The following SRP68 variants were observed in gnomAD, a reference collection of about 807,000 sequenced individuals.
SRP68 encodes signal recognition particle 68.
In SRP68, 15 loss-of-function variants were observed where a neutral mutation model predicts 82.2. That is an observed-to-expected ratio of 0.18 (90% CI 0.12 to 0.28). SRP68 has a LOEUF of 0.28. Ranked by LOEUF, SRP68 falls within the 10% of genes least tolerant of loss-of-function variation. SRP68 has a pLI of 1.00. For missense variants in SRP68, 595 were observed against 780.5 expected (o/e 0.76, Z 2.83); for synonymous variants, 261 against 292.6 (o/e 0.89, Z 1.10).
At chr17:76,065,785 G>A (rs1177341034) in intron 3 of SRP68, among the ~76,000 whole-genome samples, 3 of 152,172 alleles carry the variant, frequency 2.0e-5, no homozygotes, top group South Asian at 2.1e-4. Context: ...GCTTTAGAAT[G>A]CTGAACAGTA....
chr17:76,059,845 G>A (rs2066738569), intron 7 of SRP68, among the ~76,000 whole-genome samples: 1 of 151,222 alleles, frequency 6.6e-6, no homozygotes, highest in South Asian at 2.1e-4. Flanking sequence ...AGTTTTTTGG[G>A]CCGGGCGCGG....
chr17:76,048,062 T>C (rs1036664896), intron 9 of SRP68, 92 bp from the exon 10 acceptor site: 66 of 675,298 alleles, frequency 9.8e-5, no homozygotes, highest in Non-Finnish European at 1.5e-4. Context: ...CAAAGTGCCC[T>C]GAACATAGAC....
At chr17:76,043,209 A>C (rs2066604652) in intron 13 of SRP68, among the ~76,000 whole-genome samples, 1 of 152,012 alleles carries the variant, frequency 6.6e-6, no homozygotes, top group Non-Finnish European at 1.5e-5. Context: ...GGCTGCAGTG[A>C]ACTATGATGG....
intron 1 of SRP68, 145 bp from the exon 2 acceptor site, chr17:76,070,589 C>T: frequency 1.4e-6 from 1 of 732,222 alleles, no homozygotes; most frequent in Non-Finnish European, 2.3e-6. Context: ...GCCTGTAATC[C>T]CAGCACTGTG....
In SRP68 at chr17:76,039,354, T is replaced by C. The variant is rs1271175518; in HGVS notation, c.*352A>G. 2 of 490,206 alleles carry C rather than the reference T, an allele frequency of 4.1e-6. No individual in the cohort carries two copies. The highest frequency in any genetic ancestry group is 5.9e-5 in the East Asian group (1 of 16,908). 30.4% of individuals were successfully genotyped at this position (490,206 alleles called of 1,614,324 possible). ...TCAAATCCATGGTACTGAAGAAGCATGACAAAGCGTTTCAAGGCCCCATCT... is the reference window on the plus strand; with the variant it reads ...TCAAATCCATGGTACTGAAGAAGCACGACAAAGCGTTTCAAGGCCCCATCT... On this transcript the variant is annotated 3_prime_UTR_variant, in exon 16 of 16. Coordinates refer to ENST00000307877, the MANE Select transcript of SRP68 (RefSeq NM_014230.4).
chr17:76,052,857 C>A (rs972912173), intron 8 of SRP68, among the ~76,000 whole-genome samples: 2 of 149,700 alleles, frequency 1.3e-5, no homozygotes, highest in Admixed American at 1.3e-4. Flanking sequence ...CAGCAAACCA[C>A]CATGGCACAT....
Position 76,072,462 on chromosome 17 carries a change from G to A in SRP68, c.30C>T (p.Gly10=), listed in dbSNP as rs200249656. The change falls in exon 1 of 16, where the codon GGC becomes GGT. Residue 10 remains glycine (G), a synonymous_variant. Transcript: ENST00000307877. This position sits in a 1 kb window ranked among gnomAD's most constrained non-coding sequence, Gnocchi z 4.5. ...CGCCGCCACTGCCGCCGCCGCCGCCGCCGCCTGGGACCTGCTTCTCAGCAG... is the reference window on the plus strand; with the variant it reads ...CGCCGCCACTGCCGCCGCCGCCGCCACCGCCTGGGACCTGCTTCTCAGCAG... MAAEKQVPG[G]GGGGGSGGGG... 1.8e-5 allele frequency: 28 copies of A among 1,577,798 alleles called. No homozygotes were observed. The East Asian group carries it at 5.2e-4, about 29-fold the overall frequency.
intron 9 of SRP68, chr17:76,049,233 A>G (rs2066654029): frequency 6.6e-6 from 1 of 152,240 alleles, no homozygotes; most frequent in East Asian, 1.9e-4. Context: ...TAAAGTTTTT[A>G]TGAAGAGGTA....
chr17:76,057,421 G>A lies in SRP68; in HGVS notation c.960C>T (p.Asn320=), dbSNP rs147995054. The A allele has an allele frequency of 5.5e-5, 88 of 1,614,088 alleles. No individual in the cohort carries two copies. Among genetic ancestry groups the A allele is most frequent in the Admixed American group, 8.3e-5 (5 of 59,990 alleles). ...VRIFLLGLAD[N]EAAIVQAESE... is the part of the protein sequence containing the mutation. ...TCCTCACCTGGACAATAGCTGCTTC[G>A]TTATCAGCCAGTCCTAATAAGAAAA... Residue 320 remains asparagine, a synonymous_variant, in exon 8 of 16, where the codon AAC becomes AAT. Transcript: ENST00000307877.
At chr17:76,041,222 C>A in intron 13 of SRP68, 1 of 404,146 alleles carries the variant, frequency 2.5e-6, no homozygotes, top group East Asian at 4.5e-5. Context: ...ATAAATTTAT[C>A]ATACACTAAA....
chr17:76,049,939 G>A (rs1298531388), intron 9 of SRP68, among the ~76,000 whole-genome samples: 3 of 152,192 alleles, frequency 2.0e-5, no homozygotes, highest in African/African-American at 7.2e-5. Context: ...CCGAGACCAA[G>A]CCAGAAGAAG....
chr17:76,070,236 A>C (rs1199615729), intron 2 of SRP68, 142 bp downstream of exon 2: 4 of 716,362 alleles, frequency 5.6e-6, no homozygotes, highest in Non-Finnish European at 9.1e-6. Flanking sequence ...AAAAAAAAAA[A>C]AAACAAAGCA....
At chr17:76,058,200 C>T (rs547826548) in intron 7 of SRP68, among the ~76,000 whole-genome samples, 1 of 150,780 alleles carries the variant, frequency 6.6e-6, no homozygotes, top group African/African-American at 2.5e-5. Flanking sequence ...GTTGCCCAGG[C>T]TGGAATGCAA....
At position 76,046,159 on chromosome 17, in the gene SRP68, T is replaced by A; in HGVS notation, c.1178A>T (p.Lys393Met). 5 of 1,613,906 alleles carry A rather than the reference T, an allele frequency of 3.1e-6. No homozygotes were observed. In the South Asian group the frequency reaches 4.4e-5, roughly 14 times the overall value. The change falls in exon 11 of 16, where the codon AAG (lysine) becomes ATG (methionine). Residue 393 changes from lysine (K) to methionine (M), a missense_variant. Around this residue, in one of 2 missense-constraint regions of SRP68, gnomAD observed 495 missense variants for 688.6 expected, o/e 0.72. Coordinates refer to ENST00000307877, the MANE Select transcript of SRP68 (RefSeq NM_014230.4). ...ACCTTTGGCCATGTTCTCATTACGC[T>A]TGATTGCCGTTGATAGCTTGATGTA... Reference protein sequence around the residue: ...LTYIKLSTAIKRNENMAKGLQ... With the variant: ...LTYIKLSTAIMRNENMAKGLQ...
intron 10 of SRP68, among the ~76,000 whole-genome samples, chr17:76,047,146 G>C (rs2066638221): frequency 1.3e-5 from 2 of 152,114 alleles, no homozygotes; most frequent in African/African-American, 4.8e-5. Flanking sequence ...TTGAGTCAGG[G>C]CTGTCTCAGG....
At chr17:76,043,174 G>A (rs752467420) in intron 13 of SRP68, among the ~76,000 whole-genome samples, 2 of 152,122 alleles carry the variant, frequency 1.3e-5, no homozygotes, top group African/African-American at 2.4e-5. Flanking sequence ...TGAGGTGGGA[G>A]GGTCACTTGA....
chr17:76,059,749 G>T (rs1435944600), intron 7 of SRP68, among the ~76,000 whole-genome samples: 1 of 136,934 alleles, frequency 7.3e-6, no homozygotes, highest in African/African-American at 2.9e-5. Context: ...CTGAGATCAC[G>T]CCACTGCACT....
At chr17:76,049,034 A>G (rs1192531925) in intron 9 of SRP68, 2 of 151,692 alleles carry the variant, frequency 1.3e-5, no homozygotes, top group African/African-American at 4.8e-5. Context: ...GCAGATGCTG[A>G]AAAAAAAATA....
chr17:76,066,375 G>A (rs577327173), intron 3 of SRP68, among the ~76,000 whole-genome samples: 6 of 151,738 alleles, frequency 4.0e-5, no homozygotes, highest in African/African-American at 1.2e-4. Context: ...GCTTGAACCC[G>A]GGAGGTGGAA....
Sources: gnomAD v4.1 joint callset for allele counts (sites outside exome capture counted in the v4.1 genomes callset) on GRCh38, gnomAD v4.1.1 for gene constraint, gnomAD v4.1.1 regional missense constraint, Gnocchi (gnomAD v3.1) non-coding constraint, MANE v1.5 for transcripts, NCBI Gene and HGNC (gene_info 2026-07-23, HGNC 2026-07-21) for gene names.